The following ZNF609 variants were observed in gnomAD, a reference collection of about 807,000 sequenced individuals.
ZNF609 encodes the protein zinc finger protein 609.
Under a neutral mutation model 109.5 loss-of-function variants are expected in ZNF609, and 11 were observed. The ratio of observed to expected loss-of-function variants is 0.10; its 90% CI spans 0.06 to 0.17. ZNF609 has a LOEUF of 0.17. Ranked by LOEUF, ZNF609 falls within the 10% of genes least tolerant of loss-of-function variation. The pLI, the probability that ZNF609 is intolerant of heterozygous loss-of-function variation, is 1.00. For missense variants in ZNF609, 1,559 were observed against 1,772.4 expected (o/e 0.88, Z 2.16); for synonymous variants, 646 against 662.0 (o/e 0.98, Z 0.37).
At chr15:64,518,907 A>T (rs1175400010) in intron 2 of ZNF609, among the ~76,000 whole-genome samples, 1 of 152,020 alleles carries the variant, frequency 6.6e-6, no homozygotes, top group Non-Finnish European at 1.5e-5. Context: ...ACATGTTTTG[A>T]GGTGCTTGCA....
intron 2 of ZNF609, among the ~76,000 whole-genome samples, chr15:64,617,685 T>A (rs1895820444): frequency 6.6e-6 from 1 of 151,806 alleles, no homozygotes; most frequent in African/African-American, 2.4e-5. Flanking sequence ...GAGGCTGAGG[T>A]AGGAGAATCG....
intron 2 of ZNF609, among the ~76,000 whole-genome samples, chr15:64,590,675 C>CAA (rs1555421400): frequency 2.0e-5 from 3 of 149,330 alleles, no homozygotes; most frequent in Non-Finnish European, 4.5e-5. Context: ...CATATACATG[C>CAA]ATATATATAT....
intron 2 of ZNF609, among the ~76,000 whole-genome samples, chr15:64,552,400 C>G (rs1215252268): frequency 6.6e-6 from 1 of 152,142 alleles, no homozygotes; most frequent in African/African-American, 2.4e-5. Context: ...GAGACAGAGT[C>G]TTGCTCTGTT....
At chr15:64,595,125 T>C (rs1327511161) in intron 2 of ZNF609, among the ~76,000 whole-genome samples, 1 of 151,216 alleles carries the variant, frequency 6.6e-6, no homozygotes, top group Non-Finnish European at 1.5e-5. Flanking sequence ...TTTGGGAGGC[T>C]AAGACAGGTG....
Position 64,680,725 on chromosome 15 carries a change from G to A in ZNF609, c.4025G>A (p.Gly1342Glu). 1 of 1,613,496 alleles carries A rather than the reference G, an allele frequency of 6.2e-7. No homozygotes were observed. Among genetic ancestry groups the A allele is most frequent in the Non-Finnish European group, 8.5e-7 (1 of 1,179,972 alleles). Residue 1342 changes from glycine to glutamate, a missense_variant, in exon 8 of 10, where the codon GGG becomes GAG. This residue lies in a region of ZNF609 where 1,204 missense variants were observed against 1,314.1 expected (regional missense o/e 0.92). Transcript: ENST00000326648. The stretch of plus-strand genomic sequence containing the variant: ...GGTGGTGGCAGCTGTAGCAGCGTCG[G>A]GGGAGCAAGTGGGGGTGAACGGAGT... ...VGGGGSCSSV[G>E]GASGGERSVD...
Position 64,680,202 on chromosome 15 carries a change from A to G in ZNF609, c.3787A>G (p.Ser1263Gly). 6.2e-7 allele frequency: 1 copy of G among 1,614,050 alleles called. No individual in the cohort carries two copies. Among genetic ancestry groups the G allele is most frequent in the Non-Finnish European group, 8.5e-7 (1 of 1,180,002 alleles). The change falls in exon 7 of 10, where the codon AGC becomes GGC. Residue 1263 changes from serine to glycine, a missense_variant. Coordinates refer to ENST00000326648, the MANE Select transcript of ZNF609 (RefSeq NM_015042.2). ...TTCCACAGGTTCCTACCTGCCTTCCAGCTACTCTTTTTCCCCATATGGCAG... is the reference window on the plus strand; with the variant it reads ...TTCCACAGGTTCCTACCTGCCTTCCGGCTACTCTTTTTCCCCATATGGCAG... Reference protein sequence around the residue: ...QNYPGSYLPSSYSFSPYGSKV... With the variant: ...QNYPGSYLPSGYSFSPYGSKV...
At chr15:64,576,716 A>C (rs1162826363) in intron 2 of ZNF609, among the ~76,000 whole-genome samples, 1 of 150,992 alleles carries the variant, frequency 6.6e-6, no homozygotes, top group African/African-American at 2.4e-5. Flanking sequence ...AAGCGAATGG[A>C]TCACTCGAGG....
At chr15:64,461,144 AGAGAGTTTCTGAGGC>A (rs2140323731) in intron 1 of ZNF609, among the ~76,000 whole-genome samples, 1 of 142,098 alleles carries the variant, frequency 7.0e-6, no homozygotes, top group South Asian at 2.4e-4. Flanking sequence ...GGAGCAGGCC[AGAGAGTTTCTGAGGC>A]GAGTCTGGGT....
intron 9 of ZNF609, 43 bp downstream of exon 9, chr15:64,681,430 A>C (rs1009260559): frequency 3.3e-6 from 5 of 1,525,582 alleles, no homozygotes; most frequent in Non-Finnish European, 4.5e-6. Flanking sequence ...TAAAGCCGGG[A>C]TAGTTGCTAC....
chr15:64,579,445 G>A (rs1007811013), intron 2 of ZNF609, among the ~76,000 whole-genome samples: 7 of 151,600 alleles, frequency 4.6e-5, no homozygotes, highest in African/African-American at 1.7e-4. Flanking sequence ...AGACCTACTG[G>A]CTCACACCTG....
intron 3 of ZNF609, among the ~76,000 whole-genome samples, chr15:64,648,874 T>C (rs189363622): frequency 2.3e-4 from 35 of 152,204 alleles, no homozygotes; most frequent in African/African-American, 8.4e-4. Context: ...TGGGATTATA[T>C]TGGAGTCTGA....
chr15:64,642,817 G>T (rs1326784936), intron 3 of ZNF609, among the ~76,000 whole-genome samples: 5 of 152,042 alleles, frequency 3.3e-5, no homozygotes, highest in Admixed American at 2.6e-4. Context: ...TATTATAATG[G>T]TTTTCATTTT....
chr15:64,564,247 C>T (rs905361573), intron 2 of ZNF609, among the ~76,000 whole-genome samples: 12 of 151,874 alleles, frequency 7.9e-5, no homozygotes, highest in African/African-American at 2.4e-4. Context: ...AGGTACTATT[C>T]GTGGTTTCAG....
In ZNF609 at chr15:64,500,042, C is replaced by T. The variant is rs1042692072; in HGVS notation, c.623C>T (p.Ala208Val). 3 of 1,614,038 alleles carry T rather than the reference C, an allele frequency of 1.9e-6. No individual in the cohort carries two copies. In the African/African-American group the frequency reaches 4.0e-5, roughly 22 times the overall value. Residue 208 changes from alanine to valine, a missense_variant, in exon 2 of 10, where the codon GCT (alanine) becomes GTT (valine). Around this residue, in one of 4 missense-constraint regions of ZNF609, gnomAD observed 291 missense variants for 317.8 expected, o/e 0.92. Transcript: ENST00000326648. ...YDGSAGVDTGAVEPLGSIAIE... is the reference protein window; with the variant it reads ...YDGSAGVDTGVVEPLGSIAIE... ...GGAAGTGCAGGGGTGGATACAGGAG[C>T]TGTGGAGCCACTTGGGAGTATAGCT...
Position 64,514,051 on chromosome 15 carries a change from C to A in ZNF609, c.747+13885C>A, listed in dbSNP as rs139017913. Among the ~76,000 whole-genome samples, 1,247 of 149,582 alleles carry A rather than the reference C, an allele frequency of 8.3e-3. 19 individuals are homozygous for A. Among genetic ancestry groups the A allele is most frequent in the African/African-American group, 0.03 (1,200 of 40,490 alleles). The stretch of plus-strand genomic sequence containing the variant: ...AGGCTGCAGTGAACCATGATCATGC[C>A]ACTGCACTCCAGCCTGGGCAGCAGA... On this transcript the variant is annotated intron_variant, in intron 2 of 9. Transcript: ENST00000326648.
intron 2 of ZNF609, among the ~76,000 whole-genome samples, chr15:64,515,383 A>G (rs1466514158): frequency 6.6e-6 from 1 of 152,186 alleles, no homozygotes; most frequent in Non-Finnish European, 1.5e-5. Flanking sequence ...AAGCTGAGTA[A>G]AAATGACTCT....
chr15:64,669,272 T>C (rs1896692438), intron 3 of ZNF609, among the ~76,000 whole-genome samples: 3 of 152,190 alleles, frequency 2.0e-5, no homozygotes, highest in Admixed American at 2.0e-4. Flanking sequence ...ACAAGATTAT[T>C]CATTGCAGTT....
At chr15:64,511,690 G>T (rs1025187801) in intron 2 of ZNF609, among the ~76,000 whole-genome samples, 3 of 151,248 alleles carry the variant, frequency 2.0e-5, no homozygotes, top group Non-Finnish European at 1.5e-5. Context: ...TAAAATCTTT[G>T]TGGCTGGAGA....
intron 2 of ZNF609, among the ~76,000 whole-genome samples, chr15:64,520,612 A>C (rs1197936767): frequency 6.6e-6 from 1 of 151,926 alleles, no homozygotes; most frequent in Admixed American, 6.6e-5. Context: ...CGTTTTCTTA[A>C]ATTTTTGGCT....
Sources: gnomAD v4.1 joint callset for allele counts (sites outside exome capture counted in the v4.1 genomes callset) on GRCh38, gnomAD v4.1.1 for gene constraint, gnomAD v4.1.1 regional missense constraint, MANE v1.5 for transcripts, NCBI Gene and HGNC (gene_info 2026-07-23, HGNC 2026-07-21) for gene names.